CRACD: variants seen among roughly 807,000 people sequenced by gnomAD.
CRACD encodes capping protein inhibiting regulator of actin dynamics.
Under a neutral mutation model 106.8 loss-of-function variants are expected in CRACD, and 56 were observed. That is an observed-to-expected ratio of 0.52 (90% CI 0.42 to 0.66). The LOEUF is 0.66. CRACD is among the 30% of genes least tolerant of loss of function. The pLI is 0.00. For missense variants in CRACD, 1,730 were observed against 1,623.2 expected (o/e 1.07, Z -1.13); for synonymous variants, 754 against 670.8 (o/e 1.12, Z -1.92).
chr4:56,168,274 G>A (rs62308649), intron 1 of CRACD, among the ~76,000 whole-genome samples: 49,673 of 151,864 alleles, frequency 0.33, 8,111 homozygotes, highest in Admixed American at 0.34. Context: ...ATTAGAAAAG[G>A]ATGTTGTTTT....
At chr4:56,303,317 G>C (rs1744477871) in intron 4 of CRACD, among the ~76,000 whole-genome samples, 1 of 150,348 alleles carries the variant, frequency 6.7e-6, no homozygotes, top group African/African-American at 2.5e-5. Flanking sequence ...TGGCACTCCA[G>C]ACTCGGTGAC....
At chr4:56,078,651 A>G (rs1732921447) in intron 1 of CRACD, among the ~76,000 whole-genome samples, 1 of 152,152 alleles carries the variant, frequency 6.6e-6, no homozygotes, top group Admixed American at 6.5e-5. Context: ...CCTGAGCCCA[A>G]GCAGTCCTTC....
intron 1 of CRACD, among the ~76,000 whole-genome samples, chr4:56,098,653 A>C (rs1286035540): frequency 6.6e-6 from 1 of 152,156 alleles, no homozygotes; most frequent in Non-Finnish European, 1.5e-5. Context: ...AGGGGTTAAC[A>C]CCTTGTTTCC....
At chr4:56,155,480 A>G (rs1313521927) in intron 1 of CRACD, among the ~76,000 whole-genome samples, 1 of 152,212 alleles carries the variant, frequency 6.6e-6, no homozygotes, top group African/African-American at 2.4e-5. Context: ...GGAAAAAATA[A>G]TACAAAACAT....
Position 56,324,222 on chromosome 4 carries a change from G to A in CRACD, c.3497G>A (p.Arg1166Lys). 2 of 1,614,194 alleles carry A rather than the reference G, an allele frequency of 1.2e-6. No homozygotes were observed. The highest frequency in any genetic ancestry group is 1.7e-6 in the Non-Finnish European group (2 of 1,180,002). ...PETAVSRLER[R>K]EQLKKANTLP... Reference sequence around the variant, plus strand: ...ACTGCAGTGTCCAGGCTTGAGCGCAGAGAACAGCTGAAAAAGGCCAATACT... The same window carrying A: ...ACTGCAGTGTCCAGGCTTGAGCGCAAAGAACAGCTGAAAAAGGCCAATACT... Residue 1166 changes from arginine to lysine, a missense_variant, in exon 10 of 11, where the codon AGA becomes AAA. By Grantham distance (26) the Arg-to-Lys change is conservative. Around this residue, in one of 5 missense-constraint regions of CRACD, gnomAD observed 89 missense variants for 89.6 expected, o/e 0.99. Transcript: ENST00000682029.
chr4:56,170,976 G>A (rs923834498), intron 1 of CRACD, among the ~76,000 whole-genome samples: 1 of 152,192 alleles, frequency 6.6e-6, no homozygotes, highest in Non-Finnish European at 1.5e-5. Context: ...CTAAATAATA[G>A]GATGCTGCAG....
At chr4:56,133,829 G>A (rs1734904383) in intron 1 of CRACD, among the ~76,000 whole-genome samples, 1 of 152,136 alleles carries the variant, frequency 6.6e-6, no homozygotes, top group Non-Finnish European at 1.5e-5. Flanking sequence ...TACCATGGAA[G>A]GGGTACAAAA....
chr4:56,159,198 A>G (rs1214634051), intron 1 of CRACD, among the ~76,000 whole-genome samples: 4 of 152,252 alleles, frequency 2.6e-5, no homozygotes, highest in Admixed American at 6.5e-5. Context: ...ACTGACTGCT[A>G]TATCTCTAGT....
intron 1 of CRACD, among the ~76,000 whole-genome samples, chr4:56,070,363 C>G (rs1229330635): frequency 1.3e-5 from 2 of 150,892 alleles, no homozygotes; most frequent in African/African-American, 4.9e-5. Context: ...ACAGTGGCGC[C>G]ATCTCGGCTC....
At chr4:56,089,199 G>A (rs1021295839) in intron 1 of CRACD, among the ~76,000 whole-genome samples, 10 of 152,160 alleles carry the variant, frequency 6.6e-5, no homozygotes, top group South Asian at 2.1e-4. Context: ...TACCTTACCC[G>A]GAATTTGAAT....
At position 56,105,103 on chromosome 4, in the gene CRACD, G is replaced by A. The variant is rs992122361; in HGVS notation, c.-336+55804G>A. Among the ~76,000 whole-genome samples, 5 of 152,008 alleles carry A rather than the reference G, an allele frequency of 3.3e-5. 1 individual carries two copies. Among genetic ancestry groups the A allele is most frequent in the Admixed American group, 2.0e-4 (3 of 15,264 alleles). ...AAATGACTCTTTACAGTAATTAAAA[G>A]CGTCCAGTTACTTCCAATTCTGAGT... On this transcript the variant is annotated intron_variant, in intron 1 of 10. Transcript: ENST00000682029.
chr4:56,053,153 A>G (rs983179185), intron 1 of CRACD, among the ~76,000 whole-genome samples: 1 of 152,206 alleles, frequency 6.6e-6, no homozygotes, highest in Non-Finnish European at 1.5e-5. Flanking sequence ...CTTCATTACG[A>G]ATGAATGTCG....
chr4:56,057,799 A>ATTTTTTTTTTTTTTT, intron 1 of CRACD, among the ~76,000 whole-genome samples: 1 of 43,464 alleles, frequency 2.3e-5, no homozygotes, highest in East Asian at 5.3e-4. Flanking sequence ...CATTTTTTGT[A>ATTTTTTTTTTTTTTT]TTTTTTTTTT....
chr4:56,228,447 G>A (rs911778832), intron 2 of CRACD, among the ~76,000 whole-genome samples: 1 of 151,998 alleles, frequency 6.6e-6, no homozygotes, highest in African/African-American at 2.4e-5. Flanking sequence ...CACATGTGCT[G>A]AGCCTTGAAG....
In CRACD at chr4:56,172,486, G is replaced by T. The variant is rs140625198; in HGVS notation, c.-335-6798G>T. Among the ~76,000 whole-genome samples the T allele has an allele frequency of 1.9e-3, 293 of 152,304 alleles. 1 individual carries two copies. Among genetic ancestry groups the T allele is most frequent in the African/African-American group, 6.4e-3 (268 of 41,566 alleles). On this transcript the variant is annotated intron_variant, in intron 1 of 10. Coordinates refer to ENST00000682029, the MANE Select transcript of CRACD (RefSeq NM_001393381.1). Reference sequence around the variant, plus strand: ...ACCCAACCTTTCTTTTTTTGAGACAGAGTTTCGCTCTTGTTGCCCAGGCTG... The same window carrying T: ...ACCCAACCTTTCTTTTTTTGAGACATAGTTTCGCTCTTGTTGCCCAGGCTG...
In CRACD at chr4:56,139,297, G is replaced by A. The variant is rs556215982; in HGVS notation, c.-335-39987G>A. 2.0e-5 allele frequency among the ~76,000 whole-genome samples: 3 copies of A among 152,102 alleles called. No homozygotes were observed. In the East Asian group the frequency reaches 5.8e-4, roughly 29 times the overall value. ...CCTCTTTCTCTTCTTTTCTGAGTCT[G>A]GAAATAGTTCTCTCTCCCTTCCTCT... On this transcript the variant is annotated intron_variant, in intron 1 of 10. Coordinates refer to ENST00000682029, the MANE Select transcript of CRACD (RefSeq NM_001393381.1).
At position 56,315,764 on chromosome 4, in the gene CRACD, C is replaced by A; in HGVS notation, c.2262C>A (p.Ser754Arg). Residue 754 changes from serine (S) to arginine (R), a missense_variant, in exon 8 of 11, where the codon AGC becomes AGA. Coordinates refer to ENST00000682029, the MANE Select transcript of CRACD (RefSeq NM_001393381.1). The surrounding 1 kb of genome is among the most constrained non-coding windows in gnomAD (Gnocchi z 4.1). The stretch of plus-strand genomic sequence containing the variant: ...GAAAAAGACCCATGCTGGGACCCAG[C>A]GAAGAGACAGCCCCCCAGCCTCCTC... ...SIRKRPMLGP[S>R]EETAPQPPPA... is the part of the protein sequence containing the mutation. The A allele has an allele frequency of 1.2e-6, 2 of 1,614,198 alleles. No homozygotes were observed. The highest frequency in any genetic ancestry group is 1.7e-6 in the Non-Finnish European group (2 of 1,180,030).
intron 2 of CRACD, among the ~76,000 whole-genome samples, chr4:56,244,341 T>G (rs1003290198): frequency 3.9e-5 from 6 of 152,192 alleles, no homozygotes; most frequent in Admixed American, 3.3e-4. Flanking sequence ...CCCAGAATTT[T>G]GGTGTGAGCA....
At chr4:56,264,229 C>T (rs967893263) in intron 2 of CRACD, among the ~76,000 whole-genome samples, 1 of 152,260 alleles carries the variant, frequency 6.6e-6, no homozygotes, top group Non-Finnish European at 1.5e-5. Context: ...GGCCCCGCCT[C>T]CAACACTCGG....
Sources: allele counts gnomAD v4.1 joint callset (sites outside exome capture counted in the v4.1 genomes callset), GRCh38; gene constraint gnomAD v4.1.1; regional missense constraint gnomAD v4.1.1; non-coding constraint Gnocchi (gnomAD v3.1); transcripts MANE v1.5; gene names NCBI Gene and HGNC (gene_info 2026-07-23, HGNC 2026-07-21).